GPNMB: variants seen among roughly 807,000 people sequenced by gnomAD.
The protein encoded by GPNMB is transmembrane glycoprotein NMB.
A neutral mutation model predicts 57.3 loss-of-function variants in GPNMB; 71 were observed. That is an observed-to-expected ratio of 1.24 (90% CI 1.02 to 1.51). The LOEUF is 1.51. Ranked by LOEUF, GPNMB falls within the 40% of genes most tolerant of loss-of-function variation. The probability of loss-of-function intolerance (pLI) is 0.00; values close to 1 mark genes in which losing one functional copy is unlikely to be tolerated. For synonymous variants in GPNMB, 253 were observed against 263.2 expected, an observed-to-expected ratio of 0.96 and a Z score of 0.38; for missense variants, 677 against 691.9, an observed-to-expected ratio of 0.98 and a Z score of 0.24.
intron 9 of GPNMB, among the ~76,000 whole-genome samples, chr7:23,270,577 C>A (rs978268021): frequency 6.6e-6 from 1 of 152,158 alleles, no homozygotes; most frequent in African/African-American, 2.4e-5. Flanking sequence ...TCATGAAAAT[C>A]CACCTGAGCA....
At chr7:23,272,844 A>ATTTTTTTTTTTT in intron 9 of GPNMB, among the ~76,000 whole-genome samples, 4 of 144,150 alleles carry the variant, frequency 2.8e-5, no homozygotes, top group African/African-American at 1.2e-4. Context: ...AAAGGTGGTG[A>ATTTTTTTTTTTT]TCTTTTTTTT....
rs760219653 is a variant in GPNMB at position 23,273,572 on chromosome 7, G to T, written c.1481G>T (p.Cys494Phe). 4.3e-6 allele frequency: 7 copies of T among 1,613,740 alleles called. No homozygotes were observed. The highest frequency in any genetic ancestry group is 1.6e-4 in the Middle Eastern group (1 of 6,082). ...MANSALISVGCLAIFVTVISL... is the reference protein window; with the variant it reads ...MANSALISVGFLAIFVTVISL... ...AACAGTGCCCTGATCTCCGTTGGCT[G>T]CTTGGCCATATTTGTCACTGTGATC... The change falls in exon 10 of 11, where the codon TGC becomes TTC. Residue 494 changes from cysteine to phenylalanine, a missense_variant. Coordinates refer to ENST00000258733, the MANE Select transcript of GPNMB (RefSeq NM_002510.3).
intron 3 of GPNMB, among the ~76,000 whole-genome samples, chr7:23,256,515 C>A (rs887929619): frequency 6.6e-6 from 1 of 152,018 alleles, no homozygotes; most frequent in Non-Finnish European, 1.5e-5. Context: ...AATAAACAGT[C>A]ATGATGTCAA....
At chr7:23,257,597 G>A (rs1315525081) in intron 4 of GPNMB, 17 of 157,984 alleles carry the variant, frequency 1.1e-4, no homozygotes, top group East Asian at 3.7e-4. Flanking sequence ...ACTTGAATCC[G>A]GGAGGTGGAG....
In GPNMB at chr7:23,254,462, A is replaced by G. The variant is rs1782731824; in HGVS notation, c.367+150A>G. Reference sequence around the variant, plus strand: ...ACAGAGACAGTGAGTGTGTGGTCCTACCCAGTGCCTTCATCAACATCAACG... The same window carrying G: ...ACAGAGACAGTGAGTGTGTGGTCCTGCCCAGTGCCTTCATCAACATCAACG... On this transcript the variant is annotated intron_variant, in intron 3 of 10. Transcript: ENST00000258733. The G allele has an allele frequency of 4.9e-6, 3 of 614,638 alleles. No homozygotes were observed. In the African/African-American group the frequency reaches 5.6e-5, roughly 12 times the overall value. The allele number at this position is 614,638 out of a possible 1,614,324, so 38.1% of individuals were successfully genotyped here. A position where few individuals can be genotyped will look rare whatever the true frequency, so the allele number is the denominator to read the frequency against.
rs1783299132 is a variant in GPNMB at position 23,274,837 on chromosome 7, T to C, written c.*613T>C. 6.6e-6 allele frequency: 1 copy of C among 152,240 alleles called. No homozygotes were observed. The highest frequency in any genetic ancestry group is 6.5e-5 in the Admixed American group (1 of 15,282). The allele number at this position is 152,240 out of a possible 1,614,324, so 9.4% of individuals were successfully genotyped here. ...TGAGTGAAGGAATGATATTCATATATTCATTTATTCCATGGACATTTAGTT... is the reference window on the plus strand; with the variant it reads ...TGAGTGAAGGAATGATATTCATATACTCATTTATTCCATGGACATTTAGTT... On this transcript the variant is annotated 3_prime_UTR_variant, in exon 11 of 11. Transcript: ENST00000258733.
At chr7:23,273,877 A>G in intron 10 of GPNMB, 188 bp from the exon 11 acceptor site, 1 of 589,776 alleles carries the variant, frequency 1.7e-6, no homozygotes, top group Non-Finnish European at 3.0e-6. Context: ...AAATTATAGT[A>G]AGCAGGCACA....
At chr7:23,268,501 A>G (rs1038769485) in intron 8 of GPNMB, among the ~76,000 whole-genome samples, 14 of 152,368 alleles carry the variant, frequency 9.2e-5, no homozygotes, top group East Asian at 3.8e-4. Context: ...TTTCCAATGC[A>G]TTATATAATT....
chr7:23,249,708 C>T (rs539236778), intron 1 of GPNMB, among the ~76,000 whole-genome samples: 2 of 152,274 alleles, frequency 1.3e-5, no homozygotes, highest in South Asian at 4.1e-4. Flanking sequence ...ACCATTCACC[C>T]ATTAAAGGAC....
intron 1 of GPNMB, among the ~76,000 whole-genome samples, chr7:23,251,537 C>T (rs567838819): frequency 1.3e-5 from 2 of 152,322 alleles, no homozygotes; most frequent in Admixed American, 6.5e-5. Flanking sequence ...AACAGCCCAA[C>T]AGTTTCATTG....
chr7:23,262,929 C>G (rs1045508456), intron 6 of GPNMB, among the ~76,000 whole-genome samples: 2 of 152,056 alleles, frequency 1.3e-5, no homozygotes, highest in Non-Finnish European at 2.9e-5. Context: ...CCACCATTCT[C>G]TTATTGATGG....
At position 23,270,112 on chromosome 7, in the gene GPNMB, C is replaced by G; in HGVS notation, c.1366C>G (p.Leu456Val). Residue 456 changes from leucine to valine, a missense_variant, in exon 9 of 11, where the codon CTC becomes GTC. Physicochemically the swap from Leu to Val is conservative, Grantham distance 32. Transcript: ENST00000258733. ...FNGSGTYCVN[L>V]TLGDDTSLAL... ...TGGGTCTGGGACGTACTGTGTGAAC[C>G]TCACCCTGGGGGATGACACAAGCCT... The G allele has an allele frequency of 3.7e-6, 6 of 1,614,102 alleles. No homozygotes were observed. The highest frequency in any genetic ancestry group is 1.7e-5 in the Admixed American group (1 of 60,022).
rs917015012 is a variant in GPNMB, at chr7:23,274,930, G to C, written c.*706G>C. 6.6e-6 allele frequency: 1 copy of C among 152,030 alleles called. No homozygotes were observed. The highest frequency in any genetic ancestry group is 6.6e-5 in the Admixed American group (1 of 15,250). The allele number at this position is 152,030 out of a possible 1,614,324, so 9.4% of individuals were successfully genotyped here. The stretch of plus-strand genomic sequence containing the variant: ...GTGTATATTTCCAAATTTTTGTACA[G>C]TCGCTGCACATATTTGAAATCATAT... On this transcript the variant is annotated 3_prime_UTR_variant, in exon 11 of 11. Coordinates refer to ENST00000258733, the MANE Select transcript of GPNMB (RefSeq NM_002510.3).
chr7:23,247,036 T>G (rs75030519), intron 1 of GPNMB, 109 bp downstream of exon 1: 1 of 841,232 alleles, frequency 1.2e-6, no homozygotes, highest in Non-Finnish European at 2.0e-6. Context: ...TTCAGGAAGC[T>G]TTCATCTCTG....
In GPNMB at chr7:23,274,166, C is replaced by G; in HGVS notation, c.1625C>G (p.Pro542Arg). The change falls in exon 11 of 11, where the codon CCG (proline) becomes CGG (arginine). Residue 542 changes from proline to arginine, a missense_variant. Coordinates refer to ENST00000258733, the MANE Select transcript of GPNMB (RefSeq NM_002510.3). ...AACCGTGCAAAAGCCGTGTTCTTCC[C>G]GGGAAACCAGGAAAAGGATCCGCTA... ...FLNRAKAVFF[P>R]GNQEKDPLLK... The G allele has an allele frequency of 6.2e-7, 1 of 1,613,830 alleles. No homozygotes were observed. The highest frequency in any genetic ancestry group is 1.3e-5 in the African/African-American group (1 of 75,028).
chr7:23,261,795 AAAAT>A (rs139673226), intron 6 of GPNMB, among the ~76,000 whole-genome samples: 1,769 of 152,274 alleles, frequency 0.012, 41 homozygotes, highest in African/African-American at 0.041. Context: ...AAAAAAGAGA[AAAAT>A]AAATAAAAAT....
At chr7:23,250,250 G>A (rs1205152495) in intron 1 of GPNMB, among the ~76,000 whole-genome samples, 1 of 152,070 alleles carries the variant, frequency 6.6e-6, no homozygotes, top group African/African-American at 2.4e-5. Flanking sequence ...TTCATGTCAT[G>A]TTTCAGAGAG....
At chr7:23,266,704 G>A (rs1783072441) in intron 7 of GPNMB, 89 bp downstream of exon 7, 2 of 1,223,870 alleles carry the variant, frequency 1.6e-6, no homozygotes, top group African/African-American at 1.5e-5. Context: ...AGGGGTAGAG[G>A]TAGGTGGTAA....
intron 9 of GPNMB, among the ~76,000 whole-genome samples, 173 bp downstream of exon 9, chr7:23,270,348 C>A (rs6956768): frequency 0.027 from 4,135 of 152,192 alleles, 180 homozygotes; most frequent in African/African-American, 0.088. Flanking sequence ...AACAGCAAAT[C>A]TACTTAGGGA....
Sources: gnomAD v4.1 joint callset for allele counts (sites outside exome capture counted in the v4.1 genomes callset) on GRCh38, gnomAD v4.1.1 for gene constraint, MANE v1.5 for transcripts, NCBI Gene and HGNC (gene_info 2026-07-23, HGNC 2026-07-21) for gene names.